Variants in EYA4 observed in about 807,000 individuals in gnomAD.
EYA4 encodes EYA transcriptional coactivator and phosphatase 4.
EYA4 carries 31 observed loss-of-function variants against 87.9 expected under a neutral mutation model. The ratio of observed to expected loss-of-function variants is 0.35; its 90% CI spans 0.27 to 0.48. EYA4 has a LOEUF of 0.48. Ranked by LOEUF, EYA4 falls within the 20% of genes least tolerant of loss-of-function variation. EYA4 has a pLI of 0.99. For missense variants in EYA4, 678 were observed against 761.4 expected, an observed-to-expected ratio of 0.89 and a Z score of 1.29; for synonymous variants, 263 against 270.6, an observed-to-expected ratio of 0.97 and a Z score of 0.28.
At chr6:133,523,284 A>G in intron 18 of EYA4, 107 bp downstream of exon 18, 2 of 1,214,582 alleles carry the variant, frequency 1.6e-6, no homozygotes, top group Non-Finnish European at 2.4e-6. Flanking sequence ...AAATTTGGAT[A>G]AAGTTCAAAT....
chr6:133,377,363 C>T (rs572029350), intron 2 of EYA4, among the ~76,000 whole-genome samples: 4 of 152,062 alleles, frequency 2.6e-5, no homozygotes, highest in African/African-American at 9.6e-5. Flanking sequence ...AGCACATCTC[C>T]GTTCAATTCA....
chr6:133,457,429 C>T (rs1324968152), intron 6 of EYA4, among the ~76,000 whole-genome samples: 3 of 151,980 alleles, frequency 2.0e-5, no homozygotes, highest in Non-Finnish European at 4.4e-5. Flanking sequence ...AATTGAATCT[C>T]GGTTCTGTTA....
intron 2 of EYA4, among the ~76,000 whole-genome samples, chr6:133,330,274 C>T (rs578116545): frequency 2.6e-5 from 4 of 152,074 alleles, no homozygotes; most frequent in East Asian, 1.9e-4. Flanking sequence ...ATATGTTCCA[C>T]CTCTGAAATG....
chr6:133,426,812 A>G lies in EYA4; in HGVS notation c.84-19818A>G, dbSNP rs73561747. ...TCTGTCTGAATTCTACTGACTATTT[A>G]TGCCTTGCTAAAGTTGGCACCTGCA... On this transcript the variant is annotated intron_variant, in intron 3 of 19. Coordinates refer to ENST00000355286, the MANE Select transcript of EYA4 (RefSeq NM_004100.5). Among the ~76,000 whole-genome samples, 353 of 152,252 alleles carry G rather than the reference A, an allele frequency of 2.3e-3. 2 individuals are homozygous for G. The highest frequency in any genetic ancestry group is 8.1e-3 in the African/African-American group (336 of 41,556).
intron 1 of EYA4, among the ~76,000 whole-genome samples, chr6:133,264,101 C>T (rs1367078482): frequency 6.6e-6 from 1 of 152,190 alleles, no homozygotes; most frequent in African/African-American, 2.4e-5. Context: ...TGTACAGGTC[C>T]CGGGCTCTGG....
At chr6:133,444,112 G>T (rs1792571850) in intron 3 of EYA4, among the ~76,000 whole-genome samples, 1 of 152,052 alleles carries the variant, frequency 6.6e-6, no homozygotes, top group African/African-American at 2.4e-5. Context: ...TTCTTCTGTT[G>T]GTTACTGTGA....
At chr6:133,340,177 A>C (rs1314651709) in intron 2 of EYA4, among the ~76,000 whole-genome samples, 1 of 152,210 alleles carries the variant, frequency 6.6e-6, no homozygotes, top group East Asian at 1.9e-4. Context: ...AATGTGTTAA[A>C]ACATGGGCAA....
At chr6:133,515,878 A>T (rs1799557913) in intron 17 of EYA4, among the ~76,000 whole-genome samples, 1 of 152,228 alleles carries the variant, frequency 6.6e-6, no homozygotes, top group Non-Finnish European at 1.5e-5. Flanking sequence ...GCCATAATGG[A>T]TAATACACAT....
intron 2 of EYA4, among the ~76,000 whole-genome samples, chr6:133,332,522 G>T (rs1422796935): frequency 6.6e-6 from 1 of 151,974 alleles, no homozygotes; most frequent in Non-Finnish European, 1.5e-5. Context: ...AAAGTGCCAA[G>T]ACTTCTTCCA....
chr6:133,468,884 T>C (rs1402921198), intron 11 of EYA4, 153 bp downstream of exon 11: 1 of 768,058 alleles, frequency 1.3e-6, no homozygotes, highest in East Asian at 2.6e-5. Flanking sequence ...GACGAGGCTC[T>C]TCTGGCATTT....
chr6:133,391,118 T>C (rs372129810), intron 3 of EYA4, among the ~76,000 whole-genome samples: 6 of 152,200 alleles, frequency 3.9e-5, no homozygotes, highest in Admixed American at 1.3e-4. Context: ...TTTAGCTTGC[T>C]AGTTGTTTTA....
intron 13 of EYA4, among the ~76,000 whole-genome samples, chr6:133,492,812 G>A (rs1797303414): frequency 6.6e-6 from 1 of 152,120 alleles, no homozygotes; most frequent in South Asian, 2.1e-4. Context: ...TATGTCAGCT[G>A]TGAACAATCT....
rs776245355 is a variant in EYA4, at chr6:133,462,410, G to A, written c.513G>A (p.Gly171=). Residue 171 remains glycine, a synonymous_variant, in exon 8 of 20, where the codon GGG becomes GGA. Transcript: ENST00000355286. ...ATGCAGGCCAGACTCAGTATTCGGG[G>A]ATGCAGCAGCCAGCCGTCTACACAG... ...SAYAGQTQYS[G]MQQPAVYTAY... is the part of the protein sequence containing the mutation. The A allele has an allele frequency of 1.1e-5, 18 of 1,613,822 alleles. No homozygotes were observed. The South Asian group carries it at 1.9e-4, about 17-fold the overall frequency.
chr6:133,518,678 A>G (rs1255326733), intron 17 of EYA4, among the ~76,000 whole-genome samples: 2 of 152,198 alleles, frequency 1.3e-5, no homozygotes, highest in Non-Finnish European at 2.9e-5. Flanking sequence ...AAGCAACTCA[A>G]TTTAACTCTA....
intron 13 of EYA4, among the ~76,000 whole-genome samples, chr6:133,502,072 A>ACTCACT (rs1798173850): frequency 8.3e-6 from 1 of 120,000 alleles, no homozygotes; most frequent in African/African-American, 3.1e-5. Context: ...TCTCTCTCTC[A>ACTCACT]CTCTCTCTCT....
chr6:133,294,056 T>TATAA (rs1167441042), intron 2 of EYA4, among the ~76,000 whole-genome samples: 1 of 126,300 alleles, frequency 7.9e-6, no homozygotes, highest in African/African-American at 2.9e-5. Flanking sequence ...TATATATATA[T>TATAA]ATATATAATT....
intron 18 of EYA4, 69 bp from the exon 19 acceptor site, chr6:133,525,085 T>G (rs571585151): frequency 6.2e-7 from 1 of 1,613,702 alleles, no homozygotes; most frequent in Admixed American, 1.7e-5. Context: ...TGATTGGAGA[T>G]GGCCGAGATG....
chr6:133,311,631 T>C (rs79623938), intron 2 of EYA4, among the ~76,000 whole-genome samples: 17,758 of 151,750 alleles, frequency 0.12, 1,302 homozygotes, highest in Non-Finnish European at 0.16. Context: ...AATTTTAGAT[T>C]AGATAACATC....
At chr6:133,275,860 G>A (rs1295670907) in intron 2 of EYA4, among the ~76,000 whole-genome samples, 1 of 151,962 alleles carries the variant, frequency 6.6e-6, no homozygotes, top group African/African-American at 2.4e-5. Context: ...TGGCATCATA[G>A]GAAAAATGTA....
Sources: gnomAD v4.1 joint callset for allele counts (sites outside exome capture counted in the v4.1 genomes callset) on GRCh38, gnomAD v4.1.1 for gene constraint, MANE v1.5 for transcripts, NCBI Gene and HGNC (gene_info 2026-07-23, HGNC 2026-07-21) for gene names.